The following SV2C variants were observed in gnomAD, a reference collection of about 807,000 sequenced individuals.
The protein encoded by SV2C is solute carrier family 22 member B3.
Under a neutral mutation model 79.7 loss-of-function variants are expected in SV2C, and 49 were observed. That is an observed-to-expected ratio of 0.61 (90% CI 0.49 to 0.78). The LOEUF is 0.78. SV2C is among the 30% of genes least tolerant of loss of function. SV2C has a pLI of 0.00. For missense variants in SV2C, 833 were observed against 912.9 expected (o/e 0.91, Z 1.13); for synonymous variants, 334 against 333.2 (o/e 1.00, Z -0.03).
chr5:75,932,251 G>A, the SV2C span, among the ~76,000 whole-genome samples: 1 of 152,164 alleles, frequency 6.6e-6, no homozygotes, highest in African/African-American at 2.4e-5. Flanking sequence ...TAAAGGCTTG[G>A]CCAACTCTGG....
At chr5:75,985,392 C>A in the SV2C span, among the ~76,000 whole-genome samples, 1 of 152,006 alleles carries the variant, frequency 6.6e-6, no homozygotes, top group East Asian at 1.9e-4. Flanking sequence ...ACAGAGAAAC[C>A]GTATCCAACC....
the SV2C span, among the ~76,000 whole-genome samples, chr5:75,945,705 A>G: frequency 6.6e-6 from 1 of 152,128 alleles, no homozygotes; most frequent in Non-Finnish European, 1.5e-5. Flanking sequence ...GACAAATTAA[A>G]GAATTAAAAT....
chr5:76,291,177 T>C (rs778658325), intron 6 of SV2C, 44 bp from the exon 7 acceptor site: 1 of 1,489,582 alleles, frequency 6.7e-7, no homozygotes, highest in South Asian at 1.2e-5. Context: ...ACTCAGCAAC[T>C]TCAGAGAAGG....
the SV2C span, among the ~76,000 whole-genome samples, chr5:75,991,099 AC>A: frequency 6.6e-6 from 1 of 152,014 alleles, no homozygotes; most frequent in Non-Finnish European, 1.5e-5. Context: ...TTGCAGTCTT[AC>A]CACAACATCA....
chr5:75,861,269 A>G, the SV2C span, among the ~76,000 whole-genome samples: 4 of 152,184 alleles, frequency 2.6e-5, no homozygotes, highest in Non-Finnish European at 5.9e-5. Context: ...TAAACACTAT[A>G]ATATACTATA....
At chr5:76,164,837 A>G (rs567726958) in intron 2 of SV2C, among the ~76,000 whole-genome samples, 2 of 152,116 alleles carry the variant, frequency 1.3e-5, no homozygotes, top group Non-Finnish European at 2.9e-5. Flanking sequence ...CAAAATCCAC[A>G]GATGCTCAAG....
chr5:75,923,901 C>T, the SV2C span, among the ~76,000 whole-genome samples: 1 of 152,126 alleles, frequency 6.6e-6, no homozygotes, highest in Non-Finnish European at 1.5e-5. Context: ...AGCAATCTCA[C>T]TACTGGGTGT....
intron 2 of SV2C, among the ~76,000 whole-genome samples, chr5:76,185,977 C>G (rs564836913): frequency 7.9e-5 from 12 of 152,176 alleles, no homozygotes; most frequent in Non-Finnish European, 1.8e-4. Flanking sequence ...GGCTTAGAAA[C>G]TTCTTCCACC....
the SV2C span, among the ~76,000 whole-genome samples, chr5:75,897,810 AT>A: frequency 6.6e-6 from 1 of 151,772 alleles, no homozygotes; most frequent in Non-Finnish European, 1.5e-5. Context: ...ATTCCTAGGT[AT>A]TTTATTCTCT....
chr5:76,026,770 T>C, the SV2C span, among the ~76,000 whole-genome samples: 2 of 152,106 alleles, frequency 1.3e-5, no homozygotes, highest in African/African-American at 4.8e-5. Flanking sequence ...ATAAAGATGA[T>C]CCTAGGAGAG....
the SV2C span, among the ~76,000 whole-genome samples, chr5:76,076,490 A>G: frequency 1.3e-5 from 2 of 152,186 alleles, no homozygotes. Context: ...TCATGTTATC[A>G]TGCTTCCTTG....
the SV2C span, among the ~76,000 whole-genome samples, chr5:75,978,301 C>T: frequency 6.6e-6 from 1 of 152,298 alleles, no homozygotes; most frequent in South Asian, 2.1e-4. Flanking sequence ...CTCTTCTTCG[C>T]TGGATATTCC....
chr5:75,873,347 C>T, the SV2C span, among the ~76,000 whole-genome samples: 1 of 152,114 alleles, frequency 6.6e-6, no homozygotes, highest in East Asian at 1.9e-4. Context: ...AATTTAATTT[C>T]ATTAGAATAA....
chr5:76,173,586 C>T (rs1743400448), intron 2 of SV2C: 1 of 1,574,444 alleles, frequency 6.4e-7, no homozygotes, highest in East Asian at 2.2e-5. Context: ...AATTGGGCAA[C>T]AGTTCTTCAG....
chr5:76,109,270 A>G (rs999620610), intron 1 of SV2C, among the ~76,000 whole-genome samples: 1 of 150,342 alleles, frequency 6.7e-6, no homozygotes, highest in African/African-American at 2.5e-5. Context: ...GAAGAGTTGC[A>G]AAGGGCTCAA....
chr5:76,004,620 C>G, the SV2C span, among the ~76,000 whole-genome samples: 1 of 152,104 alleles, frequency 6.6e-6, no homozygotes, highest in East Asian at 1.9e-4. Context: ...AAGCAGCATC[C>G]CTAGGTTTCT....
intron 10 of SV2C, among the ~76,000 whole-genome samples, chr5:76,299,688 C>T (rs922061251): frequency 1.3e-5 from 2 of 152,184 alleles, no homozygotes; most frequent in Non-Finnish European, 2.9e-5. Flanking sequence ...CAGACAAGGG[C>T]TCTGCCTAGC....
chr5:76,001,168 C>G, the SV2C span, among the ~76,000 whole-genome samples: 2 of 152,124 alleles, frequency 1.3e-5, no homozygotes, highest in Non-Finnish European at 2.9e-5. Flanking sequence ...CCCTGGCTTG[C>G]TGGGGCCATA....
chr5:76,209,995 C>G, intron 4 of SV2C, 108 bp downstream of exon 4: 1 of 1,287,002 alleles, frequency 7.8e-7, no homozygotes, highest in South Asian at 1.5e-5. Flanking sequence ...AACTACTCAT[C>G]ATCATGTTTC....
Sources: allele counts gnomAD v4.1 joint callset (sites outside exome capture counted in the v4.1 genomes callset), GRCh38; gene constraint gnomAD v4.1.1; transcripts MANE v1.5; gene names NCBI Gene and HGNC (gene_info 2026-07-23, HGNC 2026-07-21).